Variants in GRID2 observed in about 807,000 individuals in gnomAD.
GRID2 encodes the protein glutamate receptor ionotropic, delta-2.
Under a neutral mutation model 114.8 loss-of-function variants are expected in GRID2, and 33 were observed. The observed-to-expected ratio is 0.29, with a 90% CI of 0.22 to 0.38. The LOEUF is 0.38. GRID2 is among the 10% of genes least tolerant of loss of function. The pLI, the probability that GRID2 is intolerant of heterozygous loss-of-function variation, is 1.00. For synonymous variants in GRID2, 505 were observed against 449.9 expected (o/e 1.12, Z -1.55); for missense variants, 1,184 against 1,257.7 (o/e 0.94, Z 0.89).
At chr4:92,613,111 T>C (rs1052148517) in intron 2 of GRID2, among the ~76,000 whole-genome samples, 9 of 151,418 alleles carry the variant, frequency 5.9e-5, no homozygotes, top group African/African-American at 2.2e-4. Context: ...ACTCATAGTT[T>C]GTTGAGGGTT....
At position 92,582,748 on chromosome 4, in the gene GRID2, G is replaced by T. The variant is rs954327119; in HGVS notation, c.89-7383G>T. On this transcript the variant is annotated intron_variant, in intron 1 of 15. Coordinates refer to ENST00000282020, the MANE Select transcript of GRID2 (RefSeq NM_001510.4). ...GATGCAGAGGTACAGTGATAGTATA[G>T]TTTCTCAAGTGAGGAACACTTGAGC... is the stretch of plus-strand genomic sequence containing the variant. 1.1e-4 allele frequency among the ~76,000 whole-genome samples: 17 copies of T among 151,962 alleles called. No individual in the cohort carries two copies. In the East Asian group the frequency reaches 3.3e-3, roughly 30 times the overall value.
Position 92,874,435 on chromosome 4 carries a change from A to G in GRID2, c.245-210560A>G, listed in dbSNP as rs767825370. ...TAAAACAAATATAATATTATCGTCTATGCTTTCAAATAAATGTCATACCTC... is the reference window on the plus strand; with the variant it reads ...TAAAACAAATATAATATTATCGTCTGTGCTTTCAAATAAATGTCATACCTC... On this transcript the variant is annotated intron_variant, in intron 2 of 15. Transcript: ENST00000282020. 4.5e-4 allele frequency among the ~76,000 whole-genome samples: 69 copies of G among 152,310 alleles called. 1 individual carries two copies. The highest frequency in any genetic ancestry group is 1.3e-4 in the Admixed American group (2 of 15,296).
intron 4 of GRID2, among the ~76,000 whole-genome samples, chr4:93,155,238 T>C (rs912618251): frequency 2.0e-5 from 3 of 151,946 alleles, no homozygotes; most frequent in Non-Finnish European, 4.4e-5. Context: ...TAAATATCCT[T>C]GAAATCATGT....
chr4:92,806,085 C>G (rs1740395727), intron 2 of GRID2, among the ~76,000 whole-genome samples: 1 of 150,446 alleles, frequency 6.6e-6, no homozygotes, highest in Non-Finnish European at 1.5e-5. Context: ...TATTCTTGGC[C>G]CTTTTATATG....
At chr4:92,445,613 C>T (rs1452162771) in intron 1 of GRID2, among the ~76,000 whole-genome samples, 1 of 152,076 alleles carries the variant, frequency 6.6e-6, no homozygotes, top group Admixed American at 6.5e-5. Flanking sequence ...CCCTTGAATC[C>T]AATAACCCAT....
At chr4:93,757,285 G>T (rs1447477104) in intron 14 of GRID2, among the ~76,000 whole-genome samples, 1 of 152,318 alleles carries the variant, frequency 6.6e-6, no homozygotes, top group African/African-American at 2.4e-5. Context: ...TACAGGCCTT[G>T]CTTCTCCAGC....
At chr4:92,937,326 T>G (rs1472317024) in intron 2 of GRID2, among the ~76,000 whole-genome samples, 2 of 146,866 alleles carry the variant, frequency 1.4e-5, no homozygotes, top group African/African-American at 2.4e-5. Flanking sequence ...TTTTAGCACT[T>G]ATATTTAAGT....
chr4:92,993,042 G>T (rs1481680290), intron 2 of GRID2, among the ~76,000 whole-genome samples: 2 of 151,964 alleles, frequency 1.3e-5, no homozygotes, highest in Non-Finnish European at 2.9e-5. Context: ...AATATGCTCA[G>T]GTTGAAAAAT....
chr4:92,373,068 G>A (rs1266989346), intron 1 of GRID2, among the ~76,000 whole-genome samples: 3 of 152,124 alleles, frequency 2.0e-5, no homozygotes, highest in East Asian at 3.9e-4. Flanking sequence ...TAGAAAGGAC[G>A]TATTATAGGA....
chr4:93,074,573 C>T (rs1036820779), intron 2 of GRID2, among the ~76,000 whole-genome samples: 6 of 152,090 alleles, frequency 3.9e-5, no homozygotes, highest in South Asian at 2.1e-4. Flanking sequence ...TTGACAATCA[C>T]AGCTTCTACC....
chr4:92,347,829 T>C (rs1727850336), intron 1 of GRID2, among the ~76,000 whole-genome samples: 1 of 152,176 alleles, frequency 6.6e-6, no homozygotes, highest in Admixed American at 6.5e-5. Context: ...CTTTCATACA[T>C]TAGTGCATTA....
At chr4:93,402,355 A>G (rs1765977412) in intron 9 of GRID2, among the ~76,000 whole-genome samples, 1 of 152,154 alleles carries the variant, frequency 6.6e-6, no homozygotes, top group South Asian at 2.1e-4. Context: ...AAAACCAATC[A>G]CAAAGGGTTA....
chr4:93,229,810 T>C (rs1476881951), intron 7 of GRID2, among the ~76,000 whole-genome samples: 5 of 152,132 alleles, frequency 3.3e-5, no homozygotes, highest in Admixed American at 2.0e-4. Context: ...AAGGTTTCTG[T>C]TTCTCAGGTA....
chr4:92,707,043 T>TA (rs1311063103), intron 2 of GRID2, among the ~76,000 whole-genome samples: 3 of 152,134 alleles, frequency 2.0e-5, no homozygotes, highest in Non-Finnish European at 4.4e-5. Context: ...TCTAAATACT[T>TA]ACGCTAGAAT....
At chr4:92,524,407 CT>C (rs869060153) in intron 1 of GRID2, among the ~76,000 whole-genome samples, 803 of 106,458 alleles carry the variant, frequency 7.5e-3, no homozygotes, top group African/African-American at 0.018. Context: ...ATTTCCTTGT[CT>C]TTTTTTTTTT....
intron 2 of GRID2, among the ~76,000 whole-genome samples, chr4:92,888,489 T>C (rs1746525513): frequency 6.6e-6 from 1 of 152,224 alleles, no homozygotes; most frequent in East Asian, 1.9e-4. Context: ...TGCTTAAAAG[T>C]ATTATTAAGG....
intron 2 of GRID2, among the ~76,000 whole-genome samples, chr4:92,956,541 G>GA (rs1752424708): frequency 6.6e-6 from 1 of 151,966 alleles, no homozygotes; most frequent in South Asian, 2.1e-4. Flanking sequence ...CCACTCTCTA[G>GA]ATGTGCCATA....
intron 1 of GRID2, among the ~76,000 whole-genome samples, chr4:92,466,184 T>C (rs930011725): frequency 6.6e-6 from 1 of 151,784 alleles, no homozygotes; most frequent in African/African-American, 2.4e-5. Flanking sequence ...TCAGGATGCT[T>C]AGCATATCCA....
At chr4:92,844,416 G>A (rs762403444) in intron 2 of GRID2, among the ~76,000 whole-genome samples, 86 of 152,014 alleles carry the variant, frequency 5.7e-4, no homozygotes, top group African/African-American at 4.1e-4. Flanking sequence ...GGCAGGCGAC[G>A]TAATCCCAGT....
Sources: gnomAD v4.1 joint callset for allele counts (sites outside exome capture counted in the v4.1 genomes callset) on GRCh38, gnomAD v4.1.1 for gene constraint, MANE v1.5 for transcripts, NCBI Gene and HGNC (gene_info 2026-07-23, HGNC 2026-07-21) for gene names.